The following ROBO2 variants were observed in gnomAD, a reference collection of about 807,000 sequenced individuals.
ROBO2 encodes roundabout homolog 2.
A neutral mutation model predicts 160.8 loss-of-function variants in ROBO2; 53 were observed. The ratio of observed to expected loss-of-function variants is 0.33; its 90% confidence interval spans 0.26 to 0.41. The LOEUF (loss-of-function observed/expected upper bound fraction) is 0.41. Ranked by LOEUF, ROBO2 falls within the 10% of genes least tolerant of loss-of-function variation. The pLI is 1.00. For missense variants in ROBO2, 1,577 were observed against 1,722.4 expected, an observed-to-expected ratio of 0.92 and a Z score of 1.49; for synonymous variants, 664 against 611.7, an observed-to-expected ratio of 1.09 and a Z score of -1.26.
At chr3:76,912,347 ATATT>A (rs1259826477) in intron 2 of ROBO2, among the ~76,000 whole-genome samples, 1 of 152,206 alleles carries the variant, frequency 6.6e-6, no homozygotes, top group Non-Finnish European at 1.5e-5. Context: ...TTTAAAAATT[ATATT>A]TATTTGCTTT....
intron 2 of ROBO2, among the ~76,000 whole-genome samples, chr3:76,413,647 C>T (rs2075609013): frequency 1.3e-5 from 2 of 152,294 alleles, no homozygotes; most frequent in South Asian, 2.1e-4. Context: ...GCAAGTTTCT[C>T]ATCTCCATCT....
chr3:77,114,208 GA>G (rs2073972534), intron 2 of ROBO2, among the ~76,000 whole-genome samples: 1 of 152,072 alleles, frequency 6.6e-6, no homozygotes, highest in Non-Finnish European at 1.5e-5. Context: ...TTGCCCTCTG[GA>G]AAAGGGGAAA....
At chr3:77,032,565 G>T (rs992096169) in intron 2 of ROBO2, among the ~76,000 whole-genome samples, 22 of 152,132 alleles carry the variant, frequency 1.4e-4, no homozygotes, top group Admixed American at 1.2e-3. Context: ...TTAAACTTTA[G>T]GCAACATTCA....
intron 2 of ROBO2, among the ~76,000 whole-genome samples, chr3:77,360,257 C>CG (rs943481589): frequency 3.3e-5 from 5 of 151,032 alleles, no homozygotes; most frequent in South Asian, 4.2e-4. Context: ...ATGCAACCCC[C>CG]CCCCCAAATT....
chr3:77,133,336 C>T (rs1436707582), intron 2 of ROBO2, among the ~76,000 whole-genome samples: 1 of 152,150 alleles, frequency 6.6e-6, no homozygotes. Flanking sequence ...TAGCAAAAGA[C>T]TCTGGAACCC....
intron 2 of ROBO2, among the ~76,000 whole-genome samples, chr3:76,982,420 C>T (rs1168439933): frequency 6.6e-6 from 1 of 152,094 alleles, no homozygotes; most frequent in Non-Finnish European, 1.5e-5. Context: ...AATTATGTTC[C>T]ATTGATCTGC....
At chr3:76,226,835 A>T (rs1704318004) in intron 2 of ROBO2, among the ~76,000 whole-genome samples, 1 of 152,174 alleles carries the variant, frequency 6.6e-6, no homozygotes, top group African/African-American at 2.4e-5. Flanking sequence ...ATTAGGGTCC[A>T]TTGCTTGCCT....
chr3:76,841,013 A>G (rs2068205738), intron 2 of ROBO2, among the ~76,000 whole-genome samples: 1 of 152,144 alleles, frequency 6.6e-6, no homozygotes, highest in Non-Finnish European at 1.5e-5. Flanking sequence ...CTCTCCTGCT[A>G]TTGTACTACT....
At chr3:76,772,313 T>A (rs113308442) in intron 2 of ROBO2, among the ~76,000 whole-genome samples, 1 of 150,856 alleles carries the variant, frequency 6.6e-6, no homozygotes, top group Non-Finnish European at 1.5e-5. Context: ...CAATATGTTT[T>A]AAAAAATTAG....
chr3:77,529,622 A>T (rs1056461012), intron 6 of ROBO2, among the ~76,000 whole-genome samples: 2 of 151,870 alleles, frequency 1.3e-5, no homozygotes, highest in South Asian at 2.1e-4. Flanking sequence ...TGATATACAC[A>T]GAGTATTGAG....
chr3:77,613,162 T>C (rs916689849), intron 21 of ROBO2, among the ~76,000 whole-genome samples: 5 of 152,132 alleles, frequency 3.3e-5, no homozygotes, highest in Non-Finnish European at 7.4e-5. Flanking sequence ...ACTTTTCTTA[T>C]GTTTTCTTAG....
At chr3:77,370,941 C>T (rs902022047) in intron 2 of ROBO2, among the ~76,000 whole-genome samples, 1 of 152,118 alleles carries the variant, frequency 6.6e-6, no homozygotes, top group Non-Finnish European at 1.5e-5. Flanking sequence ...TGAAAGTTTC[C>T]ATAAAAGCTC....
At chr3:77,590,736 C>A (rs1165516332) in intron 17 of ROBO2, among the ~76,000 whole-genome samples, 1 of 152,072 alleles carries the variant, frequency 6.6e-6, no homozygotes, top group Non-Finnish European at 1.5e-5. Context: ...AATAAAATAT[C>A]TCTCATAGTT....
chr3:76,939,137 A>T (rs1478349030), intron 2 of ROBO2, among the ~76,000 whole-genome samples: 1 of 152,128 alleles, frequency 6.6e-6, no homozygotes, highest in Non-Finnish European at 1.5e-5. Context: ...CAGCTGCATG[A>T]CTCTGAGTAA....
chr3:77,126,782 C>CTTTTTTTTT (rs11365042), intron 2 of ROBO2, among the ~76,000 whole-genome samples: 3 of 62,636 alleles, frequency 4.8e-5, no homozygotes, highest in Non-Finnish European at 8.3e-5. Context: ...TTTGAAACTT[C>CTTTTTTTTT]TTTTTTTTTT....
intron 2 of ROBO2, among the ~76,000 whole-genome samples, chr3:76,955,854 G>C (rs1360269978): frequency 6.6e-6 from 1 of 150,716 alleles, no homozygotes; most frequent in East Asian, 2.0e-4. Flanking sequence ...CTTGAACCCG[G>C]GAGGCGGAGA....
At chr3:77,010,522 G>A (rs1470017743) in intron 2 of ROBO2, among the ~76,000 whole-genome samples, 2 of 152,034 alleles carry the variant, frequency 1.3e-5, no homozygotes. Context: ...TCCAACCTCA[G>A]AGCTGATCAG....
At chr3:76,469,237 A>C (rs1435084021) in intron 2 of ROBO2, among the ~76,000 whole-genome samples, 3 of 152,078 alleles carry the variant, frequency 2.0e-5, no homozygotes, top group African/African-American at 7.2e-5. Flanking sequence ...TGATGATGAC[A>C]ATGATGAGGA....
intron 2 of ROBO2, among the ~76,000 whole-genome samples, chr3:77,162,224 ATAT>A (rs2078558711): frequency 6.6e-6 from 1 of 152,204 alleles, no homozygotes; most frequent in Non-Finnish European, 1.5e-5. Context: ...TTAAGAACAA[ATAT>A]TATGTCCATA....
Sources: allele counts gnomAD v4.1 joint callset (sites outside exome capture counted in the v4.1 genomes callset), GRCh38; gene constraint gnomAD v4.1.1; transcripts MANE v1.5; gene names NCBI Gene and HGNC (gene_info 2026-07-23, HGNC 2026-07-21).